The following C1orf87 variants were observed in gnomAD, a reference collection of about 807,000 sequenced individuals.
The protein encoded by C1orf87 is chromosome 1 open reading frame 87, also known as uncharacterized protein C1orf87.
In C1orf87, 58 loss-of-function variants were observed where a neutral mutation model predicts 60.5. The observed-to-expected ratio is 0.96, with a 90% confidence interval of 0.78 to 1.19. The LOEUF is 1.19. C1orf87 is among the 50% of genes most tolerant of loss of function. The pLI is 0.00. For missense variants in C1orf87, 673 were observed against 638.6 expected, an observed-to-expected ratio of 1.05 and a Z score of -0.58; for synonymous variants, 236 against 227.4, an observed-to-expected ratio of 1.04 and a Z score of -0.34.
At chr1:60,069,177 T>C (rs777502560) in intron 2 of C1orf87, among the ~76,000 whole-genome samples, 6 of 152,088 alleles carry the variant, frequency 3.9e-5, no homozygotes, top group Non-Finnish European at 5.9e-5. Flanking sequence ...CAAATGTGGG[T>C]CTGGTGGTGG....
chr1:60,033,676 G>T (rs781778718), intron 6 of C1orf87, 35 bp from the exon 7 acceptor site: 3 of 1,598,080 alleles, frequency 1.9e-6, no homozygotes, highest in South Asian at 2.3e-5. Flanking sequence ...GCTATGAAAA[G>T]GTTATCCACC....
chr1:60,021,966 C>G (rs1645166406), intron 8 of C1orf87, among the ~76,000 whole-genome samples: 1 of 151,952 alleles, frequency 6.6e-6, no homozygotes, highest in African/African-American at 2.4e-5. Context: ...GTAGAGGGAA[C>G]ATTCAAAAGA....
intron 7 of C1orf87, among the ~76,000 whole-genome samples, chr1:60,026,432 G>T (rs933109423): frequency 6.6e-6 from 1 of 151,932 alleles, no homozygotes; most frequent in South Asian, 2.1e-4. Flanking sequence ...ATTAATATTT[G>T]ATGAAATAAA....
chr1:60,000,927 C>T (rs1287957312), intron 10 of C1orf87, 150 bp downstream of exon 10: 25 of 638,386 alleles, frequency 3.9e-5, no homozygotes, highest in Non-Finnish European at 5.9e-5. Flanking sequence ...CCTTCTTTGC[C>T]CAAGGAGAGT....
intron 3 of C1orf87, among the ~76,000 whole-genome samples, chr1:60,052,063 T>C (rs1645418405): frequency 6.6e-6 from 1 of 152,156 alleles, no homozygotes; most frequent in Admixed American, 6.5e-5. Context: ...AAAGATAACA[T>C]CATGTGCCTT....
intron 2 of C1orf87, among the ~76,000 whole-genome samples, chr1:60,061,281 A>T (rs1181381559): frequency 1.3e-5 from 2 of 152,192 alleles, no homozygotes; most frequent in Non-Finnish European, 2.9e-5. Context: ...AATATCATTT[A>T]ATCTCTTTAT....
chr1:60,045,507 G>A (rs1574319160), intron 3 of C1orf87, among the ~76,000 whole-genome samples: 1 of 152,146 alleles, frequency 6.6e-6, no homozygotes, highest in Non-Finnish European at 1.5e-5. Flanking sequence ...ACAGGCACAT[G>A]TGGAGATAAT....
At chr1:60,029,637 G>GTTTTT (rs34501342) in intron 7 of C1orf87, among the ~76,000 whole-genome samples, 34 of 95,634 alleles carry the variant, frequency 3.6e-4, no homozygotes, top group South Asian at 1.4e-3. Flanking sequence ...GTCCCCCCAA[G>GTTTTT]TTTTTTTTTT....
At chr1:60,048,779 G>GAT (rs1046281254) in intron 3 of C1orf87, among the ~76,000 whole-genome samples, 21 of 151,514 alleles carry the variant, frequency 1.4e-4, no homozygotes, top group African/African-American at 4.1e-4. Flanking sequence ...GTACATAATA[G>GAT]ATATATATAT....
chr1:60,031,553 C>A (rs1295011837), intron 7 of C1orf87, among the ~76,000 whole-genome samples: 1 of 152,130 alleles, frequency 6.6e-6, no homozygotes, highest in Admixed American at 6.6e-5. Flanking sequence ...GAGACCCTCA[C>A]CAAACACTGA....
At chr1:60,038,368 A>G (rs1177079224) in intron 5 of C1orf87, among the ~76,000 whole-genome samples, 1 of 152,200 alleles carries the variant, frequency 6.6e-6, no homozygotes, top group East Asian at 1.9e-4. Context: ...AGTTATAACC[A>G]GAACCGAGAC....
At chr1:60,036,336 A>T (rs1321722441) in intron 6 of C1orf87, among the ~76,000 whole-genome samples, 4 of 152,068 alleles carry the variant, frequency 2.6e-5, no homozygotes, top group African/African-American at 9.7e-5. Context: ...GCCCAAGGAC[A>T]TTTTCAAACA....
chr1:59,991,155 G>A (rs1443340057), intron 11 of C1orf87, among the ~76,000 whole-genome samples: 1 of 152,028 alleles, frequency 6.6e-6, no homozygotes, highest in Non-Finnish European at 1.5e-5. Flanking sequence ...GAAACACTGG[G>A]GGTGCCTAGC....
In C1orf87 at chr1:60,055,318, G is replaced by A. The variant is rs542760785; in HGVS notation, c.228C>T (p.Thr76=). Residue 76 remains threonine (T), a synonymous_variant, in exon 3 of 12, where the codon ACC becomes ACT. Coordinates refer to ENST00000371201, the MANE Select transcript of C1orf87 (RefSeq NM_152377.3). ...CTTTCACATCATCTGGATTATCAGT[G>A]GTTTGCTGATCAGTGAAGTTAATGG... ...PVPINFTDQQ[T]TDNPDDVKEK... 1.0e-4 allele frequency: 163 copies of A among 1,613,956 alleles called. 2 individuals carry two copies. The South Asian group carries it at 1.4e-3, about 14-fold the overall frequency.
Position 59,992,584 on chromosome 1 carries a change from G to A in C1orf87, c.1481-1751C>T, listed in dbSNP as rs538175994. ...TTACTCTCCTTCATATGTGCGAACT[G>A]TAAGAGTGATGGTGAAATTCCTTCC... On this transcript the variant is annotated intron_variant, in intron 11 of 11. Transcript: ENST00000371201. 3.3e-5 allele frequency among the ~76,000 whole-genome samples: 5 copies of A among 152,278 alleles called. No individual in the cohort carries two copies. The South Asian group carries it at 1.0e-3, about 32-fold the overall frequency.
intron 9 of C1orf87, among the ~76,000 whole-genome samples, chr1:60,006,370 G>A (rs753156776): frequency 2.0e-5 from 3 of 152,084 alleles, no homozygotes; most frequent in Non-Finnish European, 2.9e-5. Context: ...TAAACCAATT[G>A]AGTTTGCTTT....
chr1:60,008,022 T>A (rs1645058253), intron 9 of C1orf87, among the ~76,000 whole-genome samples: 2 of 151,888 alleles, frequency 1.3e-5, no homozygotes, highest in African/African-American at 4.8e-5. Flanking sequence ...CAGAAAAAAA[T>A]GGCTCACTCA....
intron 8 of C1orf87, among the ~76,000 whole-genome samples, chr1:60,020,809 G>T (rs1645158022): frequency 6.6e-6 from 1 of 152,150 alleles, no homozygotes; most frequent in African/African-American, 2.4e-5. Flanking sequence ...AGGCATGATT[G>T]GTTTAGAAAC....
chr1:60,012,396 G>A (rs1645092625), intron 8 of C1orf87, among the ~76,000 whole-genome samples: 1 of 152,082 alleles, frequency 6.6e-6, no homozygotes, highest in Non-Finnish European at 1.5e-5. Context: ...GAAGCAGATT[G>A]AGGGAAATTT....
Sources: allele counts gnomAD v4.1 joint callset (sites outside exome capture counted in the v4.1 genomes callset), GRCh38; gene constraint gnomAD v4.1.1; transcripts MANE v1.5; gene names NCBI Gene and HGNC (gene_info 2026-07-23, HGNC 2026-07-21).